The following TTC6 variants were observed in gnomAD, a reference collection of about 807,000 sequenced individuals.
TTC6 encodes tetratricopeptide repeat domain 6.
In TTC6, 172 loss-of-function variants were observed where a neutral mutation model predicts 210.4. That is an observed-to-expected ratio of 0.82 (90% confidence interval 0.72 to 0.93). TTC6 has a LOEUF of 0.93. Among genes scored for constraint, TTC6 ranks in the 40% least tolerant of loss-of-function variants. TTC6 has a pLI of 0.00. For synonymous variants in TTC6, 804 were observed against 819.6 expected (o/e 0.98, Z 0.32); for missense variants, 2,414 against 2,318.1 (o/e 1.04, Z -0.85).
chr14:37,626,136 T>C (rs1211760633), intron 1 of TTC6, among the ~76,000 whole-genome samples: 2 of 152,182 alleles, frequency 1.3e-5, no homozygotes, highest in East Asian at 1.9e-4. Flanking sequence ...TTTTATCCAA[T>C]TGAGAACCAC....
chr14:37,785,325 T>G (rs955657129), intron 14 of TTC6, among the ~76,000 whole-genome samples: 7 of 152,328 alleles, frequency 4.6e-5, no homozygotes, highest in African/African-American at 1.7e-4. Context: ...TTATTTCTTT[T>G]TACTCTTTTT....
At chr14:37,832,845 G>A (rs1011664671) in intron 29 of TTC6, among the ~76,000 whole-genome samples, 1 of 151,904 alleles carries the variant, frequency 6.6e-6, no homozygotes, top group South Asian at 2.1e-4. Context: ...AGATCACGAG[G>A]TCAAGAGATC....
At chr14:37,727,243 C>T (rs1296508417) in intron 7 of TTC6, among the ~76,000 whole-genome samples, 3 of 147,132 alleles carry the variant, frequency 2.0e-5, no homozygotes, top group Non-Finnish European at 4.5e-5. Context: ...TGATTATTGG[C>T]TTTCTGCTTT....
intron 2 of TTC6, among the ~76,000 whole-genome samples, chr14:37,610,292 C>T (rs550014549): frequency 4.6e-5 from 7 of 152,250 alleles, no homozygotes; most frequent in African/African-American, 1.7e-4. Flanking sequence ...AACATGTTGC[C>T]CTCTTCCAGC....
intron 14 of TTC6, among the ~76,000 whole-genome samples, chr14:37,769,617 T>C (rs186543817): frequency 2.6e-5 from 4 of 152,264 alleles, no homozygotes; most frequent in South Asian, 2.1e-4. Context: ...TCTCTGATGG[T>C]AGTTTGTATT....
intron 1 of TTC6, among the ~76,000 whole-genome samples, chr14:37,648,918 A>T (rs1488023226): frequency 1.1e-4 from 16 of 152,092 alleles, no homozygotes; most frequent in African/African-American, 3.9e-4. Context: ...CTGTCTCAGC[A>T]TGTAGTGGGT....
At chr14:37,814,303 C>T (rs1269301704) in intron 25 of TTC6, among the ~76,000 whole-genome samples, 1 of 152,118 alleles carries the variant, frequency 6.6e-6, no homozygotes, top group African/African-American at 2.4e-5. Context: ...CAAGCGAGTC[C>T]CTATGCGTAC....
rs577259545 is a variant in TTC6, at chr14:37,727,500, A to G, written c.1818+2498A>G. 7.2e-4 allele frequency among the ~76,000 whole-genome samples: 108 copies of G among 149,308 alleles called. 1 individual carries two copies. Among genetic ancestry groups the G allele is most frequent in the African/African-American group, 2.6e-3 (105 of 40,500 alleles). ...AGTAGAGATGGGGTTTCACTGTTTT[A>G]GCTAGGATGGTCTTGATCTCCTGAC... On this transcript the variant is annotated intron_variant, in intron 7 of 30. Transcript: ENST00000553443.
chr14:37,705,453 C>T (rs903231668), intron 5 of TTC6, among the ~76,000 whole-genome samples: 3 of 152,048 alleles, frequency 2.0e-5, no homozygotes, highest in South Asian at 2.1e-4. Flanking sequence ...TGTTAACATT[C>T]TTAAATATGG....
chr14:37,595,900 A>T (rs909521245), exon 1 of TTC6: 4 of 152,066 alleles, frequency 2.6e-5, no homozygotes, highest in African/African-American at 7.2e-5. Context: ...TCGTCACTAG[A>T]AACCGGGTCA....
chr14:37,738,604 C>G (rs984605331), intron 9 of TTC6, among the ~76,000 whole-genome samples, 172 bp from the exon 12 acceptor site: 1 of 152,148 alleles, frequency 6.6e-6, no homozygotes. Context: ...AACTAACCCA[C>G]TATTAACTTT....
chr14:37,750,951 A>G (rs756703035), intron 12 of TTC6, 102 bp from the exon 15 acceptor site: 8 of 660,764 alleles, frequency 1.2e-5, no homozygotes, highest in Non-Finnish European at 4.6e-6. Context: ...ATAGAGAAAA[A>G]TTATTTTGAC....
intron 1 of TTC6, among the ~76,000 whole-genome samples, chr14:37,676,953 A>T (rs910837664): frequency 6.6e-6 from 1 of 151,908 alleles, no homozygotes; most frequent in Non-Finnish European, 1.5e-5. Flanking sequence ...CACTGTTTTG[A>T]TTATTGTAGT....
At chr14:37,781,665 C>G (rs1211214451) in intron 14 of TTC6, among the ~76,000 whole-genome samples, 1 of 152,090 alleles carries the variant, frequency 6.6e-6, no homozygotes, top group Non-Finnish European at 1.5e-5. Flanking sequence ...CTTTTGTTGC[C>G]GTTACTTTTG....
At chr14:37,784,604 G>A (rs1446774275) in intron 14 of TTC6, among the ~76,000 whole-genome samples, 1 of 152,128 alleles carries the variant, frequency 6.6e-6, no homozygotes, top group Non-Finnish European at 1.5e-5. Context: ...TTTAATTGGA[G>A]CATTTAGCCC....
Position 37,796,772 on chromosome 14 carries a change from T to G in TTC6, c.3869-15T>G. ...TACTTGGCAAAGATATTGATAAACT[T>G]TCCTTCCCTTTTAGGTCTCAGTGAG... On this transcript the variant is annotated splice_polypyrimidine_tract_variant and intron_variant, in intron 19 of 30. Coordinates refer to ENST00000553443, the Ensembl canonical transcript of TTC6. The G allele has an allele frequency of 1.3e-6, 2 of 1,590,034 alleles. No homozygotes were observed. The highest frequency in any genetic ancestry group is 4.5e-5 in the East Asian group (2 of 44,176).
chr14:37,747,528 C>T (rs989383629), intron 10 of TTC6, among the ~76,000 whole-genome samples: 1 of 152,084 alleles, frequency 6.6e-6, no homozygotes, highest in South Asian at 2.1e-4. Flanking sequence ...TTCTTGAAAG[C>T]AGTAGTGATC....
rs377128921 is a variant in TTC6, at chr14:37,732,530, GT to G, written c.1819-3390del. Among the ~76,000 whole-genome samples, 844 of 151,960 alleles carry G rather than the reference GT, an allele frequency of 5.6e-3. 6 individuals are homozygous for G. Among genetic ancestry groups the G allele is most frequent in the African/African-American group, 0.019 (791 of 41,434 alleles). ...GAAGTAAGCTAGAAAAAAGAAAATG[GT>G]ATTAAGAAGATTATAAGGAAGAGAA... On this transcript the variant is annotated intron_variant, in intron 7 of 30. Coordinates refer to ENST00000553443, the Ensembl canonical transcript of TTC6.
At chr14:37,754,545 G>T (rs2139057087) in intron 14 of TTC6, among the ~76,000 whole-genome samples, 1 of 151,838 alleles carries the variant, frequency 6.6e-6, no homozygotes, top group East Asian at 1.9e-4. Flanking sequence ...TGATTTTCCT[G>T]CCTCAGCCTT....
Sources: allele counts gnomAD v4.1 joint callset (sites outside exome capture counted in the v4.1 genomes callset), GRCh38; gene constraint gnomAD v4.1.1; transcripts MANE v1.5; gene names NCBI Gene and HGNC (gene_info 2026-07-23, HGNC 2026-07-21).